The following RXRA variants were observed in gnomAD, a reference collection of about 807,000 sequenced individuals.
The protein encoded by RXRA is retinoid X receptor alpha, also known as retinoic acid receptor RXR-alpha.
RXRA carries 5 observed loss-of-function variants against 44.5 expected under a neutral mutation model. The observed-to-expected ratio is 0.11, with a 90% confidence interval of 0.06 to 0.24. The LOEUF is 0.24. Ranked by LOEUF, RXRA falls within the 10% of genes least tolerant of loss-of-function variation. RXRA has a pLI of 1.00. For missense variants in RXRA, 412 were observed against 646.5 expected, an observed-to-expected ratio of 0.64 and a Z score of 3.93; for synonymous variants, 291 against 271.4, an observed-to-expected ratio of 1.07 and a Z score of -0.71.
At chr9:134,427,510 C>T (rs910193633) in intron 6 of RXRA, among the ~76,000 whole-genome samples, 5 of 152,340 alleles carry the variant, frequency 3.3e-5, no homozygotes, top group African/African-American at 9.6e-5. Flanking sequence ...CCGTTCCTCC[C>T]TCATTTTGGT....
At chr9:134,358,790 G>T (rs1162616036) in intron 1 of RXRA, among the ~76,000 whole-genome samples, 2 of 152,224 alleles carry the variant, frequency 1.3e-5, no homozygotes, top group African/African-American at 4.8e-5. Context: ...GCTGGCTTTG[G>T]GAACGTTGGC....
At position 134,366,307 on chromosome 9, in the gene RXRA, A is replaced by AC. The variant is rs368560185; in HGVS notation, c.29-35317dup. Among the ~76,000 whole-genome samples, 3,447 of 148,968 alleles carry AC rather than the reference A, an allele frequency of 0.023. 116 individuals are homozygous for AC. Among genetic ancestry groups the AC allele is most frequent in the African/African-American group, 0.074 (2,997 of 40,288 alleles). ...AGTGCCACAGCCTCTCCCTCTGCCC[A>AC]CCCCCCCCATGCCTGCCCTGCCAGC... is the stretch of plus-strand genomic sequence containing the variant. On this transcript the variant is annotated intron_variant, in intron 1 of 9. Coordinates refer to ENST00000481739, the MANE Select transcript of RXRA (RefSeq NM_002957.6). The surrounding 1 kb of genome is among the most constrained non-coding windows in gnomAD (Gnocchi z 5.9).
chr9:134,383,359 C>T lies in RXRA; in HGVS notation c.29-18273C>T, dbSNP rs141054362. Among the ~76,000 whole-genome samples, 35 of 152,248 alleles carry T rather than the reference C, an allele frequency of 2.3e-4. 1 individual carries two copies. Among genetic ancestry groups the T allele is most frequent in the Middle Eastern group, 3.4e-3 (1 of 294 alleles). ...AGGTCAGGATGTGTCCAGGGGCCAGCACCAGACCTGCTGAGGTGGGAGGTC... is the reference window on the plus strand; with the variant it reads ...AGGTCAGGATGTGTCCAGGGGCCAGTACCAGACCTGCTGAGGTGGGAGGTC... On this transcript the variant is annotated intron_variant, in intron 1 of 9. Coordinates refer to ENST00000481739, the MANE Select transcript of RXRA (RefSeq NM_002957.6).
rs1197278922 is a variant in RXRA, at chr9:134,407,157, A to AC, written c.280-990dup. On this transcript the variant is annotated intron_variant, in intron 2 of 9. Coordinates refer to ENST00000481739, the MANE Select transcript of RXRA (RefSeq NM_002957.6). The surrounding 1 kb of genome is among the most constrained non-coding windows in gnomAD (Gnocchi z 4.8). ...TGGGGCTGGAAGACTCATTCCAGGC[A>AC]CCGAGGTCCATGTGAAAGGAGGCTT... Among the ~76,000 whole-genome samples the AC allele has an allele frequency of 2.0e-5, 3 of 152,324 alleles. No individual in the cohort carries two copies. The highest frequency in any genetic ancestry group is 4.1e-4 in the South Asian group (2 of 4,824).
rs1224738153 is a variant in RXRA, at chr9:134,392,010, C to T, written c.29-9622C>T. Among the ~76,000 whole-genome samples the T allele has an allele frequency of 6.6e-5, 10 of 152,262 alleles. No individual in the cohort carries two copies. The South Asian group carries it at 1.0e-3, about 16-fold the overall frequency. On this transcript the variant is annotated intron_variant, in intron 1 of 9. Transcript: ENST00000481739. ...TTTGAGCTGTGGTAGCTGCGGCCTA[C>T]GGCAGCTCTTCTACCACATGATGGA... is the stretch of plus-strand genomic sequence containing the variant.
chr9:134,333,685 A>G (rs955537039), intron 1 of RXRA, among the ~76,000 whole-genome samples: 10 of 152,250 alleles, frequency 6.6e-5, no homozygotes, highest in Admixed American at 2.0e-4. Context: ...GAGGCTGGGA[A>G]GCCCCGGGGA....
At chr9:134,331,163 G>A (rs1362557925) in intron 1 of RXRA, among the ~76,000 whole-genome samples, 1 of 152,176 alleles carries the variant, frequency 6.6e-6, no homozygotes, top group Non-Finnish European at 1.5e-5. Flanking sequence ...GCCACTCCAG[G>A]GACCCTCCTC....
chr9:134,434,084 G>A lies in RXRA; in HGVS notation c.1136-18G>A. On this transcript the variant is annotated intron_variant, in intron 8 of 9. Transcript: ENST00000481739. ...ACGCCCCAGCTGAGGGTTCTGACCT[G>A]TGGCTTCTTCCTTTCAGACTCCAAG... 1.2e-6 allele frequency: 2 copies of A among 1,604,644 alleles called. No individual in the cohort carries two copies. The highest frequency in any genetic ancestry group is 1.7e-6 in the Non-Finnish European group (2 of 1,172,512).
At chr9:134,389,130 G>A (rs764297058) in intron 1 of RXRA, among the ~76,000 whole-genome samples, 4 of 152,188 alleles carry the variant, frequency 2.6e-5, no homozygotes, top group Non-Finnish European at 5.9e-5. Flanking sequence ...TCCTGTCGTG[G>A]ACGCCCTCAG....
intron 1 of RXRA, among the ~76,000 whole-genome samples, chr9:134,385,196 G>A (rs1049441763): frequency 6.6e-6 from 1 of 152,204 alleles, no homozygotes; most frequent in African/African-American, 2.4e-5. Flanking sequence ...ACCCCCACTA[G>A]CATGCCAGGG....
chr9:134,346,715 C>T (rs145441961), intron 1 of RXRA, among the ~76,000 whole-genome samples: 1 of 152,348 alleles, frequency 6.6e-6, no homozygotes, highest in African/African-American at 2.4e-5. Context: ...ATGTCATGTA[C>T]CTTCACCCCA....
chr9:134,389,909 G>A (rs1001547284), intron 1 of RXRA, among the ~76,000 whole-genome samples: 2 of 152,180 alleles, frequency 1.3e-5, no homozygotes, highest in Admixed American at 6.5e-5. Context: ...GCTGGGCACC[G>A]AGGAGCAGAG....
intron 1 of RXRA, among the ~76,000 whole-genome samples, chr9:134,340,701 G>A (rs532035867): frequency 6.6e-6 from 1 of 152,194 alleles, no homozygotes; most frequent in Admixed American, 6.5e-5. Flanking sequence ...GCCACATGCC[G>A]TCCAGGCTGA....
Position 134,407,299 on chromosome 9 carries a change from G to A in RXRA, c.280-850G>A. ...GAGGGGAGCTTCCTGCGCACAAGCG[G>A]CGGCAGGGGTTTGCAGAAGTGGAGG... On this transcript the variant is annotated intron_variant, in intron 2 of 9. Transcript: ENST00000481739. This position sits in a 1 kb window ranked among gnomAD's most constrained non-coding sequence, Gnocchi z 4.8. 6.6e-6 allele frequency among the ~76,000 whole-genome samples: 1 copy of A among 152,236 alleles called. No individual in the cohort carries two copies. The highest frequency in any genetic ancestry group is 1.9e-4 in the East Asian group (1 of 5,194).
chr9:134,334,731 G>A (rs1715179407), intron 1 of RXRA, among the ~76,000 whole-genome samples: 2 of 152,200 alleles, frequency 1.3e-5, no homozygotes, highest in Non-Finnish European at 2.9e-5. Flanking sequence ...TTGGCCATTG[G>A]TCAGGGTGGC....
chr9:134,333,875 G>A (rs1216386118), intron 1 of RXRA, among the ~76,000 whole-genome samples: 2 of 152,144 alleles, frequency 1.3e-5, no homozygotes, highest in Non-Finnish European at 2.9e-5. Flanking sequence ...TGCCTCTGCC[G>A]GGACTCCCGC....
chr9:134,425,552 G>C, intron 6 of RXRA: 6 of 789,920 alleles, frequency 7.6e-6, no homozygotes, highest in Non-Finnish European at 9.1e-6. Flanking sequence ...AGGGTGGGGG[G>C]TGGGGGGGGG....
Position 134,343,758 on chromosome 9 carries a change from G to A in RXRA, c.28+17099G>A, listed in dbSNP as rs1429487614. 1.3e-5 allele frequency among the ~76,000 whole-genome samples: 2 copies of A among 152,128 alleles called. No individual in the cohort carries two copies. Among genetic ancestry groups the A allele is most frequent in the Non-Finnish European group, 1.5e-5 (1 of 68,010 alleles). On this transcript the variant is annotated intron_variant, in intron 1 of 9. Transcript: ENST00000481739. The surrounding 1 kb of genome is among the most constrained non-coding windows in gnomAD (Gnocchi z 4.1). Reference sequence around the variant, plus strand: ...CATCCGCCCGTCCCCAGCCGGGCGCGGCACTGAGCTGAGGGAGCCTGCGTT... The same window carrying A: ...CATCCGCCCGTCCCCAGCCGGGCGCAGCACTGAGCTGAGGGAGCCTGCGTT...
intron 5 of RXRA, among the ~76,000 whole-genome samples, chr9:134,418,238 G>T (rs937611346): frequency 2.0e-5 from 3 of 152,168 alleles, no homozygotes; most frequent in Admixed American, 1.3e-4. Context: ...GCTGTGCCCG[G>T]GGTTGGGCAG....
Sources: allele counts gnomAD v4.1 joint callset (sites outside exome capture counted in the v4.1 genomes callset), GRCh38; gene constraint gnomAD v4.1.1; non-coding constraint Gnocchi (gnomAD v3.1); transcripts MANE v1.5; gene names NCBI Gene and HGNC (gene_info 2026-07-23, HGNC 2026-07-21).